The following TANC2 variants were observed in gnomAD, a reference collection of about 807,000 sequenced individuals.
TANC2 encodes protein TANC2.
A neutral mutation model predicts 210.5 loss-of-function variants in TANC2; 26 were observed. The observed-to-expected ratio is 0.12, with a 90% CI of 0.09 to 0.17. The LOEUF is 0.17. Among genes scored for constraint, TANC2 ranks in the 10% least tolerant of loss-of-function variants. The pLI is 1.00. For synonymous variants in TANC2, 931 were observed against 967.1 expected (o/e 0.96, Z 0.69); for missense variants, 2,129 against 2,608.9 (o/e 0.82, Z 4.01).
At chr17:63,311,485 C>T (rs970004555) in intron 9 of TANC2, among the ~76,000 whole-genome samples, 2 of 152,130 alleles carry the variant, frequency 1.3e-5, no homozygotes, top group Admixed American at 6.6e-5. Flanking sequence ...AATGGAAACA[C>T]AGTTACTATT....
At position 63,235,140 on chromosome 17, in the gene TANC2, TATTTG is replaced by T. The variant is rs1202722950; in HGVS notation, c.770-2673_770-2669del. ...CCCCTGGAGTTACTTTTCAATTCTT[TATTTG>T]TTTTCCATGTTCTTCCTTTGGAAAG... On this transcript the variant is annotated intron_variant, in intron 7 of 27. Transcript: ENST00000689528. Among the ~76,000 whole-genome samples the T allele has an allele frequency of 2.0e-5, 3 of 152,222 alleles. No individual in the cohort carries two copies. In the East Asian group the frequency reaches 5.8e-4, roughly 29 times the overall value.
rs1233241595 is a variant in TANC2 at position 63,063,561 on chromosome 17, T to TA, written c.68-10382_68-10381insA. 7.4e-4 allele frequency among the ~76,000 whole-genome samples: 82 copies of TA among 111,430 alleles called. No homozygotes were observed. In the East Asian group the frequency reaches 8.6e-3, roughly 12 times the overall value. The allele number at this position is 111,430 out of a possible 152,430, so 73.1% of individuals were successfully genotyped here. A position where few individuals can be genotyped will look rare whatever the true frequency, so the allele number is the denominator to read the frequency against. On this transcript the variant is annotated intron_variant, in intron 2 of 27. Coordinates refer to ENST00000689528, the Ensembl canonical transcript of TANC2. The stretch of plus-strand genomic sequence containing the variant: ...GTGTGTGTGTGTGTGTGTGTGTGTG[T>TA]GTGTGTGTGTGTGTAGATATATCTC...
intron 5 of TANC2, among the ~76,000 whole-genome samples, chr17:63,186,489 A>G (rs904542895): frequency 6.6e-6 from 1 of 151,544 alleles, no homozygotes; most frequent in Non-Finnish European, 1.5e-5. Context: ...AGTAGCTGGG[A>G]TTACAGGCAC....
At chr17:63,130,228 G>A (rs531908712) in intron 4 of TANC2, among the ~76,000 whole-genome samples, 1 of 152,158 alleles carries the variant, frequency 6.6e-6, no homozygotes, top group East Asian at 1.9e-4. Flanking sequence ...CAATTTACTT[G>A]GCCGGCTCAG....
At position 63,211,176 on chromosome 17, in the gene TANC2, A is replaced by G. The variant is rs542210513; in HGVS notation, c.769+10219A>G. On this transcript the variant is annotated intron_variant, in intron 7 of 27. Coordinates refer to ENST00000689528, the Ensembl canonical transcript of TANC2. ...TAAATTAATTGAAAATCAATTACTC[A>G]TTTGACTCCCGGTTACCTAAAAGAT... Among the ~76,000 whole-genome samples, 3 of 152,316 alleles carry G rather than the reference A, an allele frequency of 2.0e-5. No homozygotes were observed. In the South Asian group the frequency reaches 6.2e-4, roughly 32 times the overall value.
intron 1 of TANC2, among the ~76,000 whole-genome samples, chr17:62,985,336 T>C (rs564263620): frequency 6.6e-6 from 1 of 152,306 alleles, no homozygotes; most frequent in African/African-American, 2.4e-5. Context: ...ACAATTTGAC[T>C]GTAATGTGCC....
rs531171212 is a variant in TANC2 at position 63,362,388 on chromosome 17, C to T, written c.2582+6998C>T. 8.5e-5 allele frequency among the ~76,000 whole-genome samples: 13 copies of T among 152,324 alleles called. No individual in the cohort carries two copies. In the South Asian group the frequency reaches 2.1e-3, roughly 24 times the overall value. ...TCCACCCAGAACTGACAGCCCAGCC[C>T]CCATGCTTCAGGCCGTTTCTGGCCT... On this transcript the variant is annotated intron_variant, in intron 14 of 27. Transcript: ENST00000689528.
At chr17:63,187,542 T>A (rs2041032508) in intron 5 of TANC2, among the ~76,000 whole-genome samples, 1 of 141,740 alleles carries the variant, frequency 7.1e-6, no homozygotes, top group Admixed American at 7.2e-5. Context: ...CCACCAAAAA[T>A]TATGTTTTTT....
At chr17:63,130,199 T>C (rs1200032765) in intron 4 of TANC2, among the ~76,000 whole-genome samples, 1 of 152,160 alleles carries the variant, frequency 6.6e-6, no homozygotes, top group African/African-American at 2.4e-5. Context: ...TTTGTTGTTA[T>C]TTAGGTAGCA....
intron 25 of TANC2, among the ~76,000 whole-genome samples, chr17:63,414,788 A>T (rs201746909): frequency 6.6e-6 from 1 of 152,232 alleles, no homozygotes; most frequent in East Asian, 1.9e-4. Flanking sequence ...TGCCGCCTGC[A>T]TCTTTCTGGT....
chr17:62,993,403 G>C (rs977223287), intron 1 of TANC2, among the ~76,000 whole-genome samples: 2 of 152,196 alleles, frequency 1.3e-5, no homozygotes, highest in Non-Finnish European at 2.9e-5. Context: ...TGAATCTACA[G>C]ATCAATTTGG....
chr17:63,048,021 T>A (rs561964287), intron 2 of TANC2, among the ~76,000 whole-genome samples: 14 of 152,274 alleles, frequency 9.2e-5, no homozygotes, highest in African/African-American at 3.4e-4. Context: ...TTATCAGGAT[T>A]CTTTTCTGTA....
exon 13 of TANC2, chr17:63,351,321 G>T: frequency 6.2e-7 from 1 of 1,610,510 alleles, no homozygotes; most frequent in Non-Finnish European, 8.5e-7. Context: ...TCACAAACCG[G>T]ATTATGGGGA....
At chr17:63,193,097 C>T (rs533115482) in intron 5 of TANC2, among the ~76,000 whole-genome samples, 14 of 152,226 alleles carry the variant, frequency 9.2e-5, no homozygotes, top group African/African-American at 3.4e-4. Flanking sequence ...TTTGCCTTTT[C>T]ATTTTATCAA....
At chr17:63,375,154 A>G (rs182446373) in intron 14 of TANC2, among the ~76,000 whole-genome samples, 14 of 152,298 alleles carry the variant, frequency 9.2e-5, no homozygotes, top group African/African-American at 3.4e-4. Flanking sequence ...GCTAATATAG[A>G]ATGTACATTG....
chr17:63,162,435 A>G (rs1230479368), intron 5 of TANC2, among the ~76,000 whole-genome samples: 1 of 152,212 alleles, frequency 6.6e-6, no homozygotes, highest in Non-Finnish European at 1.5e-5. Context: ...GCTGTAGGAG[A>G]CTATGAGACA....
At chr17:63,386,032 A>T (rs905869603) in intron 15 of TANC2, among the ~76,000 whole-genome samples, 16 of 152,338 alleles carry the variant, frequency 1.1e-4, no homozygotes, top group African/African-American at 2.6e-4. Context: ...TTTTGTTGAG[A>T]ATGTATAAAC....
At chr17:63,099,488 G>C in intron 4 of TANC2, 131 bp downstream of exon 4, 1 of 452,608 alleles carries the variant, frequency 2.2e-6, no homozygotes, top group Non-Finnish European at 3.3e-6. Flanking sequence ...ACAGACTCTT[G>C]ACACTAAAAA....
At chr17:63,254,366 GT>G (rs1013691326) in intron 8 of TANC2, among the ~76,000 whole-genome samples, 4 of 151,838 alleles carry the variant, frequency 2.6e-5, no homozygotes, top group Middle Eastern at 3.4e-3. Context: ...TATTAGTTCT[GT>G]TTTTTTGTAA....
Sources: allele counts gnomAD v4.1 joint callset (sites outside exome capture counted in the v4.1 genomes callset), GRCh38; gene constraint gnomAD v4.1.1; transcripts MANE v1.5; gene names NCBI Gene and HGNC (gene_info 2026-07-23, HGNC 2026-07-21).